DENND2B: variants seen among roughly 807,000 people sequenced by gnomAD.
The protein encoded by DENND2B is DENN domain-containing protein 2B.
In DENND2B, 32 loss-of-function variants were observed where a neutral mutation model predicts 116.0. The ratio of observed to expected loss-of-function variants is 0.28; its 90% CI spans 0.21 to 0.37. The LOEUF (loss-of-function observed/expected upper bound fraction) is 0.37, where lower values mean the gene tolerates loss of function less well. DENND2B is among the 10% of genes least tolerant of loss of function. DENND2B has a pLI of 1.00. For synonymous variants in DENND2B, 588 were observed against 583.9 expected, an observed-to-expected ratio of 1.01 and a Z score of -0.10; for missense variants, 1,276 against 1,477.7, an observed-to-expected ratio of 0.86 and a Z score of 2.24.
intron 6 of DENND2B, 103 bp from the exon 7 acceptor site, chr11:8,714,809 T>G: frequency 1.0e-6 from 1 of 974,874 alleles, no homozygotes; most frequent in South Asian, 1.5e-5. Context: ...GGTACAAGCT[T>G]TCTGCATTGC....
chr11:8,894,120 C>T (rs555181372), intron 1 of DENND2B, among the ~76,000 whole-genome samples: 26 of 152,248 alleles, frequency 1.7e-4, no homozygotes, highest in East Asian at 1.9e-4. Flanking sequence ...TGATCTTTGA[C>T]GAACCTGACA....
At chr11:8,794,496 T>C (rs760093634) in intron 1 of DENND2B, among the ~76,000 whole-genome samples, 7 of 152,194 alleles carry the variant, frequency 4.6e-5, no homozygotes, top group Admixed American at 1.3e-4. Flanking sequence ...TGAAACAGAA[T>C]TCTACAGTTG....
intron 1 of DENND2B, among the ~76,000 whole-genome samples, chr11:8,770,270 T>C (rs2056626417): frequency 6.6e-6 from 1 of 152,210 alleles, no homozygotes; most frequent in African/African-American, 2.4e-5. Flanking sequence ...TAGGATTAAA[T>C]GCAAAAGGTA....
At chr11:8,788,576 A>C (rs1336953111) in intron 1 of DENND2B, among the ~76,000 whole-genome samples, 2 of 152,154 alleles carry the variant, frequency 1.3e-5, no homozygotes, top group East Asian at 3.8e-4. Flanking sequence ...AGAATTGTGC[A>C]CCATCTCCTG....
chr11:8,872,498 A>AAG (rs2063798424), upstream of DENND2B, among the ~76,000 whole-genome samples: 1 of 151,762 alleles, frequency 6.6e-6, no homozygotes, highest in Non-Finnish European at 1.5e-5. Context: ...AAAAAAAAAA[A>AAG]AAAAGAAAAA....
At chr11:8,876,485 CTTTCTA>C (rs376690214) in intron 2 of DENND2B, among the ~76,000 whole-genome samples, 1 of 152,220 alleles carries the variant, frequency 6.6e-6, no homozygotes, top group East Asian at 1.9e-4. Flanking sequence ...TCAAAGTTCT[CTTTCTA>C]TATCAGCTCA....
chr11:8,756,181 T>C (rs1413821607), intron 1 of DENND2B, among the ~76,000 whole-genome samples: 1 of 152,158 alleles, frequency 6.6e-6, no homozygotes, highest in East Asian at 1.9e-4. Flanking sequence ...ATTTGTGGCA[T>C]GACCAGAAAC....
At chr11:8,764,143 C>A (rs535833277) in intron 1 of DENND2B, among the ~76,000 whole-genome samples, 2 of 152,132 alleles carry the variant, frequency 1.3e-5, no homozygotes, top group East Asian at 1.9e-4. Context: ...TCACTTGAAC[C>A]CGGGAGGCGG....
intron 1 of DENND2B, among the ~76,000 whole-genome samples, chr11:8,792,186 C>G (rs2059441625): frequency 6.6e-6 from 1 of 152,140 alleles, no homozygotes; most frequent in African/African-American, 2.4e-5. Flanking sequence ...GCCTGGGCAA[C>G]AGAGTGAGAC....
rs16906027 is a variant in DENND2B, at chr11:8,798,607, C to T, written c.-26+11910G>A. Among the ~76,000 whole-genome samples the T allele has an allele frequency of 8.0e-3, 1,215 of 152,076 alleles. 13 individuals are homozygous for T. The highest frequency in any genetic ancestry group is 0.027 in the African/African-American group (1,104 of 41,450). ...CAAGGCCATGTAGACATCTGGCCTT[C>T]GGTGTTTTTCAGATGAAAAGAAGTC... On this transcript the variant is annotated intron_variant, in intron 1 of 19. Transcript: ENST00000313726.
intron 1 of DENND2B, among the ~76,000 whole-genome samples, chr11:8,803,987 C>T (rs1333626059): frequency 2.6e-5 from 4 of 152,228 alleles, no homozygotes; most frequent in African/African-American, 9.6e-5. Flanking sequence ...AGGGGCTCCA[C>T]CTAGGCTGGC....
chr11:8,730,298 C>G lies in DENND2B; in HGVS notation c.992G>C (p.Ser331Thr), dbSNP rs1236661590. The G allele has an allele frequency of 1.2e-6, 2 of 1,604,396 alleles. No individual in the cohort carries two copies. The highest frequency in any genetic ancestry group is 2.7e-5 in the African/African-American group (2 of 74,856). Residue 331 changes from serine to threonine, a missense_variant, in exon 3 of 20, where the codon AGT (serine) becomes ACT (threonine). By Grantham distance (58) the Ser-to-Thr change is moderately conservative (BLOSUM62 1). Around this residue, in one of 2 missense-constraint regions of DENND2B, gnomAD observed 856 missense variants for 846.6 expected, o/e 1.01. Transcript: ENST00000313726. The surrounding 1 kb of genome is among the most constrained non-coding windows in gnomAD (Gnocchi z 4.1). ...GACTGCCCGGCTGCCAGCGCTCACA[C>G]TCGCGCCCCCTGCCGGCTCCTCCAA... Reference protein sequence around the residue: ...GSLEEPAGGASVSAGSRAVGV... With the variant: ...GSLEEPAGGATVSAGSRAVGV...
intron 2 of DENND2B, among the ~76,000 whole-genome samples, chr11:8,865,342 A>G (rs1023470557): frequency 2.0e-5 from 3 of 152,298 alleles, no homozygotes; most frequent in African/African-American, 7.2e-5. Context: ...GCTGATAGAA[A>G]AAAATATATA....
intron 1 of DENND2B, among the ~76,000 whole-genome samples, chr11:8,790,732 G>A (rs10840122): frequency 0.23 from 34,623 of 152,112 alleles, 4,210 homozygotes; most frequent in South Asian, 0.34. Flanking sequence ...TAGCATCACT[G>A]CACTCCAGCC....
Position 8,696,635 on chromosome 11 carries a change from C to T in DENND2B, c.3084G>A (p.Glu1028=), listed in dbSNP as rs2040402156. The change falls in exon 18 of 20, where the codon GAG becomes GAA. Residue 1028 remains glutamate (E), a synonymous_variant. Transcript: ENST00000313726. The stretch of plus-strand genomic sequence containing the variant: ...TCTCCACAAAGAACCGGATAAACAC[C>T]TCCGACACCAGCCCATTGAGGGTAT... ...ECNTLNGLVS[E]VFIRFFVETV... is the part of the protein sequence containing the mutation. 1 of 1,614,162 alleles carries T rather than the reference C, an allele frequency of 6.2e-7. No homozygotes were observed. Among genetic ancestry groups the T allele is most frequent in the East Asian group, 2.2e-5 (1 of 44,886 alleles).
chr11:8,730,213 G>A lies in DENND2B; in HGVS notation c.1077C>T (p.Ser359=). 1.2e-6 allele frequency: 2 copies of A among 1,613,398 alleles called. No individual in the cohort carries two copies. Among genetic ancestry groups the A allele is most frequent in the African/African-American group, 1.3e-5 (1 of 75,068 alleles). Residue 359 remains serine (S), a synonymous_variant, in exon 3 of 20, where the codon TCC becomes TCT. Transcript: ENST00000313726. The surrounding 1 kb of genome is among the most constrained non-coding windows in gnomAD (Gnocchi z 4.1). ...GPPPEREGSG[S]TKPGTPGNSP... is the part of the protein sequence containing the mutation. ...TATTTCCAGGGGTCCCGGGCTTAGT[G>A]GAACCACTGCCTTCCCTCTCTGGGG... is the stretch of plus-strand genomic sequence containing the variant.
chr11:8,718,557 A>G, intron 4 of DENND2B: 1 of 1,417,212 alleles, frequency 7.1e-7, no homozygotes, highest in Non-Finnish European at 9.2e-7. Flanking sequence ...CTCCTACTGT[A>G]GTGTCTATTC....
intron 1 of DENND2B, among the ~76,000 whole-genome samples, chr11:8,755,278 T>A (rs1460367612): frequency 1.3e-5 from 2 of 152,242 alleles, no homozygotes; most frequent in Non-Finnish European, 1.5e-5. Flanking sequence ...TATTTATTTA[T>A]GGCCACTGAT....
chr11:8,902,183 G>A (rs570617153), intron 1 of DENND2B, among the ~76,000 whole-genome samples: 78 of 152,082 alleles, frequency 5.1e-4, no homozygotes, highest in African/African-American at 1.8e-3. Context: ...AAAAGTAGCC[G>A]GGTGTGGTGG....
Sources: allele counts gnomAD v4.1 joint callset (sites outside exome capture counted in the v4.1 genomes callset), GRCh38; gene constraint gnomAD v4.1.1; regional missense constraint gnomAD v4.1.1; non-coding constraint Gnocchi (gnomAD v3.1); transcripts MANE v1.5; gene names NCBI Gene and HGNC (gene_info 2026-07-23, HGNC 2026-07-21).